ASAP2: variants seen among roughly 807,000 people sequenced by gnomAD.
The protein encoded by ASAP2 is arf-GAP with SH3 domain, ANK repeat and PH domain-containing protein 2.
Under a neutral mutation model 131.4 loss-of-function variants are expected in ASAP2, and 45 were observed. That is an observed-to-expected ratio of 0.34 (90% CI 0.27 to 0.44). ASAP2 has a LOEUF of 0.44. Among genes scored for constraint, ASAP2 ranks in the 20% least tolerant of loss-of-function variants. The probability of loss-of-function intolerance (pLI) is 1.00; values close to 1 mark genes in which losing one functional copy is unlikely to be tolerated. For synonymous variants in ASAP2, 510 were observed against 503.0 expected (o/e 1.01, Z -0.19); for missense variants, 1,011 against 1,297.0 (o/e 0.78, Z 3.39).
At chr2:9,371,461 G>A (rs1180503774) in intron 16 of ASAP2, among the ~76,000 whole-genome samples, 1 of 152,210 alleles carries the variant, frequency 6.6e-6, no homozygotes, top group East Asian at 1.9e-4. Flanking sequence ...AGTACTCCCA[G>A]CTCTGTGCCT....
At chr2:9,277,180 C>T (rs1178826588) in intron 1 of ASAP2, among the ~76,000 whole-genome samples, 2 of 152,178 alleles carry the variant, frequency 1.3e-5, no homozygotes, top group Non-Finnish European at 2.9e-5. Flanking sequence ...TGAACTGGCA[C>T]CTCTATGTGT....
intron 11 of ASAP2, chr2:9,350,581 GACC>G: frequency 2.3e-6 from 1 of 442,598 alleles, no homozygotes. Context: ...GGTTTGTGTA[GACC>G]ACCAAGGTGC....
intron 3 of ASAP2, among the ~76,000 whole-genome samples, chr2:9,302,226 G>A (rs1049052022): frequency 3.5e-5 from 5 of 144,134 alleles, no homozygotes; most frequent in South Asian, 2.2e-4. Context: ...AGGCTGGAGC[G>A]CAGTGGTGCA....
intron 2 of ASAP2, among the ~76,000 whole-genome samples, chr2:9,282,277 T>C (rs945353944): frequency 4.6e-5 from 7 of 152,124 alleles, no homozygotes; most frequent in African/African-American, 1.7e-4. Flanking sequence ...TGAGTCTGAG[T>C]CCTGAAAAGT....
At chr2:9,294,768 G>T (rs1668050140) in intron 2 of ASAP2, among the ~76,000 whole-genome samples, 2 of 152,158 alleles carry the variant, frequency 1.3e-5, no homozygotes, top group Non-Finnish European at 2.9e-5. Context: ...CTTCTCTCCT[G>T]CTGGGCTTTG....
intron 1 of ASAP2, among the ~76,000 whole-genome samples, chr2:9,267,481 T>A (rs1666020101): frequency 6.6e-6 from 1 of 152,308 alleles, no homozygotes; most frequent in Non-Finnish European, 1.5e-5. Flanking sequence ...GATTTAGTTC[T>A]TTTTTATGGC....
At chr2:9,286,421 A>AT (rs1031537636) in intron 2 of ASAP2, among the ~76,000 whole-genome samples, 4 of 138,420 alleles carry the variant, frequency 2.9e-5, no homozygotes, top group Admixed American at 2.1e-4. Context: ...AAGGAAAAGG[A>AT]TTTTTTTTAA....
At chr2:9,403,177 G>T in intron 27 of ASAP2, 76 bp from the exon 28 acceptor site, 1 of 1,286,154 alleles carries the variant, frequency 7.8e-7, no homozygotes. Flanking sequence ...TTCACCAAAC[G>T]CTCTATGTAA....
intron 24 of ASAP2, among the ~76,000 whole-genome samples, chr2:9,398,632 AC>A (rs1388761229): frequency 6.6e-6 from 1 of 151,922 alleles, no homozygotes; most frequent in Non-Finnish European, 1.5e-5. Context: ...ACATGGTGAA[AC>A]CCCGTCTCTA....
intron 1 of ASAP2, among the ~76,000 whole-genome samples, chr2:9,264,423 G>A (rs1373718063): frequency 6.6e-6 from 1 of 152,054 alleles, no homozygotes; most frequent in African/African-American, 2.4e-5. Flanking sequence ...CAGTGTGTCC[G>A]GGCCTCTGCT....
At chr2:9,381,250 T>C (rs546791830) in intron 20 of ASAP2, among the ~76,000 whole-genome samples, 1 of 152,302 alleles carries the variant, frequency 6.6e-6, no homozygotes, top group African/African-American at 2.4e-5. Context: ...GAAAAGACAA[T>C]GTAGACAGTA....
At chr2:9,380,049 G>C (rs942749504) in intron 19 of ASAP2, among the ~76,000 whole-genome samples, 4 of 151,948 alleles carry the variant, frequency 2.6e-5, no homozygotes, top group Non-Finnish European at 5.9e-5. Flanking sequence ...CTTGAGAGAA[G>C]GTTTAAAAGT....
At chr2:9,340,799 T>C (rs1309001127) in intron 9 of ASAP2, among the ~76,000 whole-genome samples, 1 of 152,208 alleles carries the variant, frequency 6.6e-6, no homozygotes, top group Non-Finnish European at 1.5e-5. Context: ...CTGGGCAGAT[T>C]CTGTGTTGGC....
chr2:9,323,731 G>C (rs573521554), intron 6 of ASAP2, among the ~76,000 whole-genome samples: 3 of 152,074 alleles, frequency 2.0e-5, no homozygotes, highest in Non-Finnish European at 1.5e-5. Flanking sequence ...CTGCTCAGGC[G>C]GGGGCACTCA....
chr2:9,250,108 T>C (rs1000890685), intron 1 of ASAP2, among the ~76,000 whole-genome samples: 2 of 152,186 alleles, frequency 1.3e-5, no homozygotes, highest in African/African-American at 2.4e-5. Context: ...CTCAATTGCT[T>C]TGTAGGGTTT....
At position 9,207,270 on chromosome 2, in the gene ASAP2, CGCG is replaced by C; in HGVS notation, c.126+41_126+43del. 6.7e-7 allele frequency: 1 copy of C among 1,497,314 alleles called. No homozygotes were observed. Among genetic ancestry groups the C allele is most frequent in the Non-Finnish European group, 8.9e-7 (1 of 1,125,280 alleles). 92.8% of individuals were successfully genotyped at this position (1,497,314 alleles called of 1,614,324 possible). On this transcript the variant is annotated intron_variant, in intron 1 of 27. Transcript: ENST00000281419. This position sits in a 1 kb window ranked among gnomAD's most constrained non-coding sequence, Gnocchi z 4.1. ...GCGGCGGCTCCGGCCGCAGGTATCCCGCGCCCCAGCCCCGCCCGCCGCTCCCGC... is the reference window on the plus strand; with the variant it reads ...GCGGCGGCTCCGGCCGCAGGTATCCCCCCCAGCCCCGCCCGCCGCTCCCGC...
intron 2 of ASAP2, among the ~76,000 whole-genome samples, chr2:9,291,198 GTACACAC>G (rs1326213859): frequency 6.6e-6 from 1 of 151,982 alleles, no homozygotes; most frequent in Non-Finnish European, 1.5e-5. Flanking sequence ...TAAATGTTCT[GTACACAC>G]ATCTCTGATC....
At chr2:9,338,811 C>T (rs1671394325) in intron 9 of ASAP2, among the ~76,000 whole-genome samples, 1 of 152,168 alleles carries the variant, frequency 6.6e-6, no homozygotes, top group Non-Finnish European at 1.5e-5. Context: ...CTGCCCAGTG[C>T]GGGCTGGGCA....
intron 2 of ASAP2, among the ~76,000 whole-genome samples, chr2:9,296,705 A>C (rs902496453): frequency 6.6e-6 from 1 of 152,224 alleles, no homozygotes; most frequent in Non-Finnish European, 1.5e-5. Context: ...AGAGGTGCCA[A>C]TGAAATACCC....
Sources: gnomAD v4.1 joint callset for allele counts (sites outside exome capture counted in the v4.1 genomes callset) on GRCh38, gnomAD v4.1.1 for gene constraint, Gnocchi (gnomAD v3.1) non-coding constraint, MANE v1.5 for transcripts, NCBI Gene and HGNC (gene_info 2026-07-23, HGNC 2026-07-21) for gene names.